The following OSBPL6 variants were observed in gnomAD, a reference collection of about 807,000 sequenced individuals.
OSBPL6 encodes oxysterol-binding protein-related protein 6.
A neutral mutation model predicts 125.8 loss-of-function variants in OSBPL6; 49 were observed. The observed-to-expected ratio is 0.39, with a 90% CI of 0.31 to 0.49. The LOEUF (loss-of-function observed/expected upper bound fraction) is 0.49. OSBPL6 is among the 20% of genes least tolerant of loss of function. The probability of loss-of-function intolerance (pLI) is 0.88; values close to 1 mark genes in which losing one functional copy is unlikely to be tolerated. For synonymous variants in OSBPL6, 394 were observed against 391.8 expected (o/e 1.01, Z -0.07); for missense variants, 986 against 1,135.4 (o/e 0.87, Z 1.89).
At chr2:178,372,666 T>C (rs2154105966) in intron 14 of OSBPL6, among the ~76,000 whole-genome samples, 2 of 149,640 alleles carry the variant, frequency 1.3e-5, no homozygotes, top group South Asian at 4.3e-4. Context: ...CCTGACCTTG[T>C]TAAGATAATA....
At chr2:178,367,862 G>A (rs913684467) in intron 13 of OSBPL6, among the ~76,000 whole-genome samples, 6 of 152,156 alleles carry the variant, frequency 3.9e-5, no homozygotes, top group African/African-American at 1.2e-4. Context: ...TGGCTTCAAG[G>A]TGCTTCCTCC....
intron 3 of OSBPL6, among the ~76,000 whole-genome samples, chr2:178,314,519 C>T (rs1328801268): frequency 6.6e-6 from 1 of 152,180 alleles, no homozygotes; most frequent in Non-Finnish European, 1.5e-5. Flanking sequence ...CCACTCATCC[C>T]ATGGAATCAA....
intron 1 of OSBPL6, among the ~76,000 whole-genome samples, chr2:178,241,600 G>A (rs1390319066): frequency 6.6e-6 from 1 of 151,936 alleles, no homozygotes; most frequent in East Asian, 1.9e-4. Context: ...ATTTTTAGTA[G>A]AGACGGGGTT....
At chr2:178,258,843 G>A (rs2091968025) in intron 1 of OSBPL6, among the ~76,000 whole-genome samples, 1 of 151,530 alleles carries the variant, frequency 6.6e-6, no homozygotes, top group Non-Finnish European at 1.5e-5. Context: ...GTTCTTTTGT[G>A]TGTGGCTTCT....
chr2:178,206,923 T>C (rs2089564704), intron 1 of OSBPL6, among the ~76,000 whole-genome samples: 1 of 151,928 alleles, frequency 6.6e-6, no homozygotes, highest in Admixed American at 6.6e-5. Context: ...CCTGTTGTTG[T>C]TTTTGTTTGT....
intron 1 of OSBPL6, among the ~76,000 whole-genome samples, chr2:178,277,628 TAAATA>T (rs1284087444): frequency 6.6e-6 from 1 of 152,256 alleles, no homozygotes; most frequent in African/African-American, 2.4e-5. Context: ...TTAGCATTTA[TAAATA>T]AAATATCTTG....
At chr2:178,361,852 A>G in intron 13 of OSBPL6, 37 bp downstream of exon 13, 1 of 1,612,194 alleles carries the variant, frequency 6.2e-7, no homozygotes, top group Non-Finnish European at 8.5e-7. Context: ...TACATGACAC[A>G]CTCCCAACCC....
chr2:178,249,083 G>A (rs111523853), intron 1 of OSBPL6, among the ~76,000 whole-genome samples: 13 of 152,034 alleles, frequency 8.6e-5, no homozygotes, highest in African/African-American at 3.1e-4. Flanking sequence ...ATTATAAAGT[G>A]TGCACTACCA....
intron 1 of OSBPL6, among the ~76,000 whole-genome samples, chr2:178,267,173 GGGAAACCCT>G (rs2092256970): frequency 6.6e-6 from 1 of 152,002 alleles, no homozygotes; most frequent in African/African-American, 2.4e-5. Flanking sequence ...AGCCAACATG[GGGAAACCCT>G]GTCTCTACTA....
chr2:178,390,539 A>T (rs1370217562), intron 21 of OSBPL6, among the ~76,000 whole-genome samples: 1 of 152,208 alleles, frequency 6.6e-6, no homozygotes, highest in Non-Finnish European at 1.5e-5. Context: ...AGCTACTTGG[A>T]CAAGGAATTC....
At chr2:178,362,272 A>AT (rs1219207835) in intron 13 of OSBPL6, among the ~76,000 whole-genome samples, 1 of 151,866 alleles carries the variant, frequency 6.6e-6, no homozygotes, top group Non-Finnish European at 1.5e-5. Flanking sequence ...ACTATCACTC[A>AT]TTTTTTTCTT....
chr2:178,313,132 GA>G (rs1186929289), intron 3 of OSBPL6, among the ~76,000 whole-genome samples: 3 of 152,084 alleles, frequency 2.0e-5, no homozygotes, highest in African/African-American at 7.2e-5. Flanking sequence ...CTGATCTCAG[GA>G]GGTCCACCTG....
chr2:178,258,635 C>A (rs2091960724), intron 1 of OSBPL6, among the ~76,000 whole-genome samples: 2 of 152,116 alleles, frequency 1.3e-5, no homozygotes. Flanking sequence ...GCTATACAGT[C>A]TTGACAAATG....
upstream of OSBPL6, among the ~76,000 whole-genome samples, chr2:178,193,982 A>G (rs1004942498): frequency 7.9e-5 from 12 of 152,178 alleles, no homozygotes; most frequent in Non-Finnish European, 1.6e-4. Flanking sequence ...GCCCAGGGAC[A>G]TGGGTTTGGC....
At chr2:178,354,626 C>T (rs755346637) in intron 12 of OSBPL6, among the ~76,000 whole-genome samples, 3 of 152,130 alleles carry the variant, frequency 2.0e-5, no homozygotes, top group Admixed American at 6.5e-5. Flanking sequence ...TAGACTCCCA[C>T]ACAATAATAA....
intron 3 of OSBPL6, among the ~76,000 whole-genome samples, chr2:178,317,971 G>A (rs891363610): frequency 2.6e-5 from 4 of 152,242 alleles, no homozygotes; most frequent in Middle Eastern, 3.4e-3. Context: ...CCGTAATGAA[G>A]CATGATCCGT....
chr2:178,233,524 T>C (rs969159107), intron 1 of OSBPL6, among the ~76,000 whole-genome samples: 1 of 152,242 alleles, frequency 6.6e-6, no homozygotes, highest in Non-Finnish European at 1.5e-5. Context: ...ATTACTTTAG[T>C]CATTGAAATG....
At chr2:178,371,782 C>T (rs564569938) in intron 13 of OSBPL6, among the ~76,000 whole-genome samples, 3 of 152,220 alleles carry the variant, frequency 2.0e-5, no homozygotes, top group African/African-American at 4.8e-5. Flanking sequence ...CAATAGTTTT[C>T]ATCACAGGCT....
Position 178,197,768 on chromosome 2 carries a change from G to C in OSBPL6, c.-351+3094G>C, listed in dbSNP as rs527642815. Among the ~76,000 whole-genome samples the C allele has an allele frequency of 2.6e-5, 4 of 152,058 alleles. No individual in the cohort carries two copies. In the East Asian group the frequency reaches 7.7e-4, roughly 29 times the overall value. The stretch of plus-strand genomic sequence containing the variant: ...GTAATTGAAACTTTGGATGGGGGTA[G>C]ATATTGTATTAAAAAAAAAGAAAGA... On this transcript the variant is annotated intron_variant, in intron 1 of 24. Coordinates refer to ENST00000190611, the MANE Select transcript of OSBPL6 (RefSeq NM_032523.4).
Sources: gnomAD v4.1 joint callset for allele counts (sites outside exome capture counted in the v4.1 genomes callset) on GRCh38, gnomAD v4.1.1 for gene constraint, MANE v1.5 for transcripts, NCBI Gene and HGNC (gene_info 2026-07-23, HGNC 2026-07-21) for gene names.